POLR3A: variants seen among roughly 807,000 people sequenced by gnomAD.
The protein encoded by POLR3A is RNA polymerase III subunit A.
POLR3A carries 112 observed loss-of-function variants against 152.8 expected under a neutral mutation model. The ratio of observed to expected loss-of-function variants is 0.73; its 90% CI spans 0.63 to 0.86. The LOEUF (loss-of-function observed/expected upper bound fraction) is 0.86, where lower values mean the gene tolerates loss of function less well. Ranked by LOEUF, POLR3A falls within the 40% of genes least tolerant of loss-of-function variation. POLR3A has a pLI of 0.00. For missense variants in POLR3A, 1,385 were observed against 1,743.1 expected, an observed-to-expected ratio of 0.79 and a Z score of 3.66; for synonymous variants, 615 against 652.1, an observed-to-expected ratio of 0.94 and a Z score of 0.87.
At chr10:77,997,449 A>G (rs1847312196) in intron 19 of POLR3A, among the ~76,000 whole-genome samples, 2 of 152,242 alleles carry the variant, frequency 1.3e-5, no homozygotes, top group African/African-American at 4.8e-5. Context: ...CTGATAAGCA[A>G]CTTCAGCAAA....
chr10:77,983,147 C>T (rs1045083013), intron 26 of POLR3A, among the ~76,000 whole-genome samples: 14 of 152,104 alleles, frequency 9.2e-5, no homozygotes, highest in African/African-American at 2.9e-4. Flanking sequence ...TAAAAGCTTC[C>T]GTGGGGCCTC....
At chr10:77,982,409 T>A (rs1035096133) in intron 27 of POLR3A, 91 bp from the exon 28 acceptor site, 1 of 1,253,890 alleles carries the variant, frequency 8.0e-7, no homozygotes, top group African/African-American at 1.5e-5. Flanking sequence ...GCAGTGGTCA[T>A]CTGTTAACAC....
At chr10:78,024,447 T>C in intron 5 of POLR3A, 102 bp downstream of exon 5, 1 of 1,082,328 alleles carries the variant, frequency 9.2e-7, no homozygotes, top group Non-Finnish European at 1.4e-6. Context: ...AGAAAGTGGG[T>C]GTCTAGGGGT....
In POLR3A at chr10:78,018,491, T is replaced by A. The variant is rs567440069; in HGVS notation, c.1289+671A>T. Reference sequence around the variant, plus strand: ...TCCAGCCTGGGTAACACAGCAAGACTCTGTCTTGAAAAAAAAAAAAAAGAC... The same window carrying A: ...TCCAGCCTGGGTAACACAGCAAGACACTGTCTTGAAAAAAAAAAAAAAGAC... On this transcript the variant is annotated intron_variant, in intron 9 of 30. Transcript: ENST00000372371. Among the ~76,000 whole-genome samples the A allele has an allele frequency of 1.9e-3, 288 of 149,870 alleles. 1 individual carries two copies. The highest frequency in any genetic ancestry group is 5.7e-3 in the African/African-American group (231 of 40,682).
At chr10:77,996,730 G>T (rs1412445901) in intron 19 of POLR3A, among the ~76,000 whole-genome samples, 1 of 152,052 alleles carries the variant, frequency 6.6e-6, no homozygotes, top group Non-Finnish European at 1.5e-5. Flanking sequence ...TTCTACCAGA[G>T]GTAAAAAGAG....
chr10:77,989,682 G>C (rs1847229160), intron 21 of POLR3A, among the ~76,000 whole-genome samples: 1 of 152,170 alleles, frequency 6.6e-6, no homozygotes, highest in Non-Finnish European at 1.5e-5. Context: ...CAAATGCTGG[G>C]GTGCTGCTGG....
intron 10 of POLR3A, among the ~76,000 whole-genome samples, chr10:78,016,110 G>C (rs1478373432): frequency 3.9e-5 from 6 of 152,128 alleles, no homozygotes; most frequent in Admixed American, 3.9e-4. Flanking sequence ...ACAAATTAAA[G>C]CTGTATTTCA....
chr10:78,009,818 G>GAC, intron 13 of POLR3A, 46 bp downstream of exon 13: 1 of 1,610,468 alleles, frequency 6.2e-7, no homozygotes, highest in Non-Finnish European at 8.5e-7. Flanking sequence ...TACCCCCACA[G>GAC]ACACATACAC....
At chr10:78,007,607 G>T in intron 15 of POLR3A, 95 bp downstream of exon 15, 1 of 988,382 alleles carries the variant, frequency 1.0e-6, no homozygotes. Context: ...TATGTGTGGT[G>T]GGGATGAAAT....
chr10:77,984,110 G>T, intron 25 of POLR3A, 95 bp downstream of exon 25: 1 of 1,214,830 alleles, frequency 8.2e-7, no homozygotes, highest in Non-Finnish European at 1.2e-6. Context: ...TAGTGTGGAC[G>T]CCACAGGCTG....
intron 3 of POLR3A, 24 bp downstream of exon 3, chr10:78,025,598 G>A (rs1002870853): frequency 3.7e-6 from 6 of 1,613,334 alleles, no homozygotes; most frequent in Non-Finnish European, 5.1e-6. Flanking sequence ...TTTATGTCTT[G>A]GAAATCAGCA....
At chr10:78,008,657 C>T (rs1455715465) in intron 14 of POLR3A, among the ~76,000 whole-genome samples, 2 of 152,162 alleles carry the variant, frequency 1.3e-5, no homozygotes, top group African/African-American at 4.8e-5. Context: ...AACAGCAGGG[C>T]TCTGTGGACT....
rs764329611 is a variant in POLR3A at position 77,980,147 on chromosome 10, C to CA, written c.4017dup (p.Val1340CysfsTer6). ...ATAGAAACATCAAACCTACCACACA[C>CA]AGAGTCCTTCTGCCCGAAGTAGGCA... On this transcript the variant is annotated frameshift_variant, in exon 30 of 31. Transcript: ENST00000372371. LOFTEE classifies it high-confidence loss of function. The CA allele has an allele frequency of 1.9e-6, 3 of 1,614,082 alleles. No individual in the cohort carries two copies. In the South Asian group the frequency reaches 3.3e-5, roughly 18 times the overall value.
chr10:77,992,212 T>C (rs767044060), intron 20 of POLR3A, among the ~76,000 whole-genome samples: 22 of 152,150 alleles, frequency 1.4e-4, no homozygotes, highest in Non-Finnish European at 2.6e-4. Flanking sequence ...CAAAGCCCTC[T>C]TCTGTTGGCA....
chr10:78,004,703 G>C lies in POLR3A; in HGVS notation c.2247+13C>G, dbSNP rs1041788473. 1.2e-6 allele frequency: 2 copies of C among 1,609,722 alleles called. No individual in the cohort carries two copies. Among genetic ancestry groups the C allele is most frequent in the Non-Finnish European group, 1.7e-6 (2 of 1,178,746 alleles). On this transcript the variant is annotated intron_variant, in intron 16 of 30. Transcript: ENST00000372371. Reference sequence around the variant, plus strand: ...CGGCAAGTGGCGACCCTGAACCAAAGGGCCGGGCTCACCTCCAGGGTCTCC... The same window carrying C: ...CGGCAAGTGGCGACCCTGAACCAAACGGCCGGGCTCACCTCCAGGGTCTCC...
At chr10:77,994,958 A>T (rs1847285524) in intron 19 of POLR3A, among the ~76,000 whole-genome samples, 1 of 152,220 alleles carries the variant, frequency 6.6e-6, no homozygotes, top group African/African-American at 2.4e-5. Flanking sequence ...CTAACAGCGG[A>T]TCTCTCGGCA....
In POLR3A at chr10:77,977,447, A is replaced by T; in HGVS notation, c.*31T>A. On this transcript the variant is annotated 3_prime_UTR_variant, in exon 31 of 31. Transcript: ENST00000372371. ...TCAGCTGGAGACAGGACAAGGAGTC[A>T]AGGTCAGGCATGGTCCCCTCTTTCT... 1.2e-6 allele frequency: 2 copies of T among 1,611,788 alleles called. No homozygotes were observed. The highest frequency in any genetic ancestry group is 1.7e-6 in the Non-Finnish European group (2 of 1,178,026).
intron 3 of POLR3A, 129 bp from the exon 4 acceptor site, chr10:78,025,271 T>A (rs555238234): frequency 1.1e-6 from 1 of 951,232 alleles, no homozygotes; most frequent in African/African-American, 1.6e-5. Context: ...CAAATGGCTC[T>A]ATACTATGGA....
intron 10 of POLR3A, among the ~76,000 whole-genome samples, chr10:78,015,196 G>C (rs1463632064): frequency 6.6e-6 from 1 of 152,210 alleles, no homozygotes; most frequent in Non-Finnish European, 1.5e-5. Flanking sequence ...AAATGACACA[G>C]ATATGGGTTC....
Sources: gnomAD v4.1 joint callset for allele counts (sites outside exome capture counted in the v4.1 genomes callset) on GRCh38, gnomAD v4.1.1 for gene constraint, MANE v1.5 for transcripts, NCBI Gene and HGNC (gene_info 2026-07-23, HGNC 2026-07-21) for gene names.